The following ESR1 variants were observed in gnomAD, a reference collection of about 807,000 sequenced individuals.
ESR1 encodes the protein estrogen receptor.
ESR1 carries 12 observed loss-of-function variants against 52.7 expected under a neutral mutation model. The ratio of observed to expected loss-of-function variants is 0.23; its 90% CI spans 0.15 to 0.37. ESR1 has a LOEUF of 0.37. Ranked by LOEUF, ESR1 falls within the 10% of genes least tolerant of loss-of-function variation. ESR1 has a pLI of 1.00. For missense variants in ESR1, 584 were observed against 779.7 expected, an observed-to-expected ratio of 0.75 and a Z score of 2.99; for synonymous variants, 305 against 316.8, an observed-to-expected ratio of 0.96 and a Z score of 0.39.
Position 152,071,087 on chromosome 6 carries a change from T to G in ESR1, c.1369+9963T>G, listed in dbSNP as rs914506523. Among the ~76,000 whole-genome samples, 74 of 95,490 alleles carry G rather than the reference T, an allele frequency of 7.7e-4. 22 individuals are homozygous for G. Among genetic ancestry groups the G allele is most frequent in the African/African-American group, 5.3e-3 (68 of 12,868 alleles). The allele number at this position is 95,490 out of a possible 152,430, so 62.6% of individuals were successfully genotyped here. Reference sequence around the variant, plus strand: ...AGTAGTTCCTACAGTGTGGTTTATGTGAGGCATAGGGACTGCTCCCTGAAA... The same window carrying G: ...AGTAGTTCCTACAGTGTGGTTTATGGGAGGCATAGGGACTGCTCCCTGAAA... On this transcript the variant is annotated intron_variant, in intron 6 of 7. Coordinates refer to ENST00000206249, the MANE Select transcript of ESR1 (RefSeq NM_000125.4).
rs140405874 is a variant in ESR1 at position 152,076,185 on chromosome 6, A to C, written c.1369+15061A>C. 9.5e-4 allele frequency among the ~76,000 whole-genome samples: 145 copies of C among 152,312 alleles called. 1 individual carries two copies. Among genetic ancestry groups the C allele is most frequent in the African/African-American group, 3.2e-3 (134 of 41,576 alleles). On this transcript the variant is annotated intron_variant, in intron 6 of 7. Transcript: ENST00000206249. Reference sequence around the variant, plus strand: ...TGTGGGAGGGACCCAGTGGGAGATCATTTGAATCATAGGAGTGGTTTCCTC... The same window carrying C: ...TGTGGGAGGGACCCAGTGGGAGATCCTTTGAATCATAGGAGTGGTTTCCTC...
At chr6:152,052,764 G>A (rs1422614267) in intron 5 of ESR1, among the ~76,000 whole-genome samples, 2 of 152,150 alleles carry the variant, frequency 1.3e-5, no homozygotes, top group Admixed American at 6.5e-5. Flanking sequence ...GGCAGGATGG[G>A]GGTGAGGTGG....
At chr6:151,862,531 T>C (rs963635712) in intron 2 of ESR1, among the ~76,000 whole-genome samples, 7 of 152,154 alleles carry the variant, frequency 4.6e-5, no homozygotes, top group Non-Finnish European at 8.8e-5. Context: ...TTCCGTCCTC[T>C]TATTTGGAGA....
At chr6:151,946,187 G>C (rs137900784) in intron 4 of ESR1, among the ~76,000 whole-genome samples, 1 of 152,092 alleles carries the variant, frequency 6.6e-6, no homozygotes, top group South Asian at 2.1e-4. Context: ...AACAAGCAAA[G>C]AAACTAATGG....
At chr6:151,801,066 G>GTA (rs1777197064), upstream of ESR1, among the ~76,000 whole-genome samples, 1 of 151,772 alleles carries the variant, frequency 6.6e-6, no homozygotes, top group South Asian at 2.1e-4. Flanking sequence ...GTGTGTGTGT[G>GTA]TGTGTGTGTG....
At chr6:151,746,300 C>T (rs183472048) in intron 2 of ESR1, among the ~76,000 whole-genome samples, 14 of 152,220 alleles carry the variant, frequency 9.2e-5, no homozygotes, top group Admixed American at 3.3e-4. Context: ...CTTATCTTCT[C>T]GAATGAGAAC....
At chr6:152,091,147 C>G (rs1376214347) in intron 6 of ESR1, among the ~76,000 whole-genome samples, 1 of 152,208 alleles carries the variant, frequency 6.6e-6, no homozygotes, top group Non-Finnish European at 1.5e-5. Context: ...CCCTGTTTTG[C>G]TCTTGCAGTG....
rs565983656 is a variant in ESR1 at position 151,919,592 on chromosome 6, C to T, written c.761-24581C>T. On this transcript the variant is annotated intron_variant, in intron 3 of 7. Transcript: ENST00000206249. ...AGATTCTGAGGTTACAAATTGTTGA[C>T]CCCATGTCGAACATGTTGACCCCAT... 1.8e-4 allele frequency among the ~76,000 whole-genome samples: 28 copies of T among 152,308 alleles called. No homozygotes were observed. The South Asian group carries it at 4.8e-3, about 26-fold the overall frequency.
chr6:152,105,815 C>T (rs1461872965), downstream of ESR1, among the ~76,000 whole-genome samples: 2 of 117,356 alleles, frequency 1.7e-5, no homozygotes, highest in African/African-American at 3.3e-5. Context: ...GAGTCTCGCT[C>T]TGTCGCCCAG....
intron 4 of ESR1, among the ~76,000 whole-genome samples, chr6:151,985,166 G>A (rs2040339248): frequency 6.6e-6 from 1 of 152,028 alleles, no homozygotes; most frequent in Non-Finnish European, 1.5e-5. Context: ...TCATGCTGGT[G>A]AGATGGCTGT....
upstream of ESR1, among the ~76,000 whole-genome samples, chr6:151,800,745 A>C (rs915664591): frequency 2.0e-5 from 3 of 152,180 alleles, no homozygotes; most frequent in Non-Finnish European, 2.9e-5. Flanking sequence ...AAATACAGCT[A>C]ATCAATATTT....
chr6:151,949,555 A>G (rs916261235), intron 4 of ESR1, among the ~76,000 whole-genome samples: 1 of 152,200 alleles, frequency 6.6e-6, no homozygotes, highest in African/African-American at 2.4e-5. Context: ...TAAGGACAAG[A>G]TTTGCCATTT....
intron 1 of ESR1, among the ~76,000 whole-genome samples, chr6:151,828,141 T>C (rs1781822530): frequency 1.3e-5 from 2 of 152,246 alleles, no homozygotes; most frequent in Admixed American, 1.3e-4. Flanking sequence ...TGCAGGTAAC[T>C]AGGCACATGT....
chr6:151,668,031 T>TGATGTTAAGTGA (rs1205116368), intron 1 of ESR1, among the ~76,000 whole-genome samples: 2 of 152,188 alleles, frequency 1.3e-5, no homozygotes, highest in Non-Finnish European at 2.9e-5. Context: ...ATCATGAAAA[T>TGATGTTAAGTGA]GTAGCAAAGA....
intron 6 of ESR1, among the ~76,000 whole-genome samples, chr6:152,111,992 C>T (rs952373134): frequency 2.9e-4 from 44 of 152,214 alleles, no homozygotes; most frequent in Non-Finnish European, 2.9e-4. Flanking sequence ...TCCCTACAAT[C>T]TAATCCATTC....
chr6:151,900,000 G>A (rs888011152), intron 3 of ESR1, among the ~76,000 whole-genome samples: 4 of 152,214 alleles, frequency 2.6e-5, no homozygotes, highest in African/African-American at 4.8e-5. Flanking sequence ...GGGTGGCCCC[G>A]GGCAGAGGCT....
At chr6:152,110,316 G>T (rs1467779781) in intron 6 of ESR1, among the ~76,000 whole-genome samples, 1 of 152,158 alleles carries the variant, frequency 6.6e-6, no homozygotes, top group African/African-American at 2.4e-5. Flanking sequence ...GGAAAATGTG[G>T]TATATATACA....
At chr6:151,687,320 T>C (rs1484065035), upstream of ESR1, among the ~76,000 whole-genome samples, 2 of 152,062 alleles carry the variant, frequency 1.3e-5, no homozygotes, top group African/African-American at 2.4e-5. Flanking sequence ...AGTGAGTGAG[T>C]GGTCAGGTAC....
At chr6:151,736,376 T>TTCTTTTTTTTTC (rs1562366700) in intron 2 of ESR1, among the ~76,000 whole-genome samples, 1 of 44,240 alleles carries the variant, frequency 2.3e-5, no homozygotes, top group African/African-American at 5.8e-5. Context: ...CCAGGTAGTG[T>TTCTTTTTTTTTC]TTTTTTTTTT....
Sources: allele counts gnomAD v4.1 joint callset (sites outside exome capture counted in the v4.1 genomes callset), GRCh38; gene constraint gnomAD v4.1.1; transcripts MANE v1.5; gene names NCBI Gene and HGNC (gene_info 2026-07-23, HGNC 2026-07-21).